RASGRF2: variants seen among roughly 807,000 people sequenced by gnomAD.
The protein encoded by RASGRF2 is ras-specific guanine nucleotide-releasing factor 2.
RASGRF2 carries 76 observed loss-of-function variants against 151.0 expected under a neutral mutation model. That is an observed-to-expected ratio of 0.50 (90% CI 0.42 to 0.61). The LOEUF is 0.61. RASGRF2 is among the 20% of genes least tolerant of loss of function. The probability of loss-of-function intolerance (pLI) is 0.00; values close to 1 mark genes in which losing one functional copy is unlikely to be tolerated. For synonymous variants in RASGRF2, 504 were observed against 566.5 expected (o/e 0.89, Z 1.57); for missense variants, 1,148 against 1,564.6 (o/e 0.73, Z 4.49).
intron 1 of RASGRF2, among the ~76,000 whole-genome samples, chr5:81,015,321 A>G (rs1749595117): frequency 6.6e-6 from 1 of 152,178 alleles, no homozygotes; most frequent in Non-Finnish European, 1.5e-5. Flanking sequence ...TTCTGGTTCT[A>G]GATCCTTGAG....
chr5:81,034,952 A>AT (rs1375284843), intron 1 of RASGRF2, among the ~76,000 whole-genome samples: 5 of 152,082 alleles, frequency 3.3e-5, no homozygotes, highest in African/African-American at 1.2e-4. Flanking sequence ...TATAATAAAA[A>AT]TAAAAAAAAA....
chr5:81,105,426 C>T (rs1752820108), intron 12 of RASGRF2, among the ~76,000 whole-genome samples: 2 of 152,164 alleles, frequency 1.3e-5, no homozygotes, highest in African/African-American at 4.8e-5. Context: ...CTTGTCTGGG[C>T]TCCACTTAAA....
At chr5:81,092,674 G>A (rs1561605015) in intron 9 of RASGRF2, 127 bp from the exon 10 acceptor site, 5 of 831,344 alleles carry the variant, frequency 6.0e-6, no homozygotes, top group Non-Finnish European at 9.7e-6. Context: ...TACTTGTTCT[G>A]ATGATGTGTC....
intron 17 of RASGRF2, among the ~76,000 whole-genome samples, chr5:81,145,806 C>T (rs1046846779): frequency 1.3e-5 from 2 of 152,144 alleles, no homozygotes; most frequent in South Asian, 2.1e-4. Flanking sequence ...GCTAAGCCTC[C>T]GAATTCTTGT....
At chr5:81,207,464 T>C (rs1755535001) in intron 21 of RASGRF2, 115 bp downstream of exon 21, 4 of 847,544 alleles carry the variant, frequency 4.7e-6, no homozygotes, top group Admixed American at 2.3e-5. Flanking sequence ...TGTGTGAGTA[T>C]CTACCAGTTG....
intron 7 of RASGRF2, among the ~76,000 whole-genome samples, chr5:81,081,622 C>T (rs1035931815): frequency 6.6e-6 from 1 of 152,124 alleles, no homozygotes; most frequent in Admixed American, 6.6e-5. Flanking sequence ...TGTGGTAAAC[C>T]GATTCTACTA....
intron 12 of RASGRF2, among the ~76,000 whole-genome samples, chr5:81,098,764 T>A (rs1333473288): frequency 6.6e-6 from 1 of 152,210 alleles, no homozygotes; most frequent in African/African-American, 2.4e-5. Context: ...CCCAGAAGCC[T>A]GTATCTCAGC....
At position 80,987,899 on chromosome 5, in the gene RASGRF2, A is replaced by T. The variant is rs572974632; in HGVS notation, c.288+26873A>T. ...CCAAGCATTATTTTCTTAGAAAGCT[A>T]CTTAGAGATCACCTCCACAACACTT... On this transcript the variant is annotated intron_variant, in intron 1 of 26. Coordinates refer to ENST00000265080, the MANE Select transcript of RASGRF2 (RefSeq NM_006909.3). Among the ~76,000 whole-genome samples the T allele has an allele frequency of 2.8e-4, 43 of 152,140 alleles. 1 individual carries two copies. Among genetic ancestry groups the T allele is most frequent in the African/African-American group, 9.9e-4 (41 of 41,516 alleles).
intron 7 of RASGRF2, among the ~76,000 whole-genome samples, chr5:81,084,996 A>G (rs532967496): frequency 5.9e-5 from 9 of 152,226 alleles, no homozygotes; most frequent in Non-Finnish European, 1.0e-4. Flanking sequence ...ACTTCTTCCC[A>G]TTTTAGTTCT....
At chr5:81,051,990 G>A (rs73127151) in intron 2 of RASGRF2, among the ~76,000 whole-genome samples, 2,640 of 152,174 alleles carry the variant, frequency 0.017, 56 homozygotes, top group African/African-American at 0.059. Context: ...ACTTATTTTC[G>A]TTGCTTTTTT....
At chr5:81,140,358 C>T (rs1038434764) in intron 17 of RASGRF2, among the ~76,000 whole-genome samples, 1 of 151,844 alleles carries the variant, frequency 6.6e-6, no homozygotes, top group African/African-American at 2.4e-5. Flanking sequence ...AATATTTAAA[C>T]ATTATTTCAC....
intron 1 of RASGRF2, among the ~76,000 whole-genome samples, chr5:81,016,029 G>T (rs902253431): frequency 6.6e-6 from 1 of 152,128 alleles, no homozygotes; most frequent in African/African-American, 2.4e-5. Context: ...TGGTGACAAT[G>T]GCGACTGAAC....
chr5:80,971,904 TTA>T (rs1747949175), intron 1 of RASGRF2, among the ~76,000 whole-genome samples: 1 of 151,212 alleles, frequency 6.6e-6, no homozygotes, highest in Admixed American at 6.6e-5. Context: ...ATTTTATTTT[TTA>T]TTTTTTTATT....
chr5:81,205,063 C>A (rs1454647662), intron 19 of RASGRF2, among the ~76,000 whole-genome samples: 1 of 152,220 alleles, frequency 6.6e-6, no homozygotes, highest in Non-Finnish European at 1.5e-5. Flanking sequence ...GTAACCCTTA[C>A]ATGTAATTTA....
At chr5:80,982,393 A>G (rs857671) in intron 1 of RASGRF2, among the ~76,000 whole-genome samples, 104,811 of 151,564 alleles carry the variant, frequency 0.69, 36,501 homozygotes, top group East Asian at 0.78. Flanking sequence ...AGGGAGGGTT[A>G]CAGGAACATC....
At chr5:81,101,594 G>A (rs1205063296) in intron 12 of RASGRF2, among the ~76,000 whole-genome samples, 4 of 151,624 alleles carry the variant, frequency 2.6e-5, no homozygotes, top group Non-Finnish European at 5.9e-5. Context: ...TAATAAGATC[G>A]ATCTATCTAT....
At chr5:81,060,825 A>G (rs1751408057) in intron 2 of RASGRF2, among the ~76,000 whole-genome samples, 1 of 152,210 alleles carries the variant, frequency 6.6e-6, no homozygotes, top group African/African-American at 2.4e-5. Context: ...GAAAAGTACA[A>G]AAGAAGTAAC....
At chr5:81,205,957 G>C (rs1755496352) in intron 19 of RASGRF2, among the ~76,000 whole-genome samples, 1 of 152,090 alleles carries the variant, frequency 6.6e-6, no homozygotes, top group Non-Finnish European at 1.5e-5. Flanking sequence ...CACCGTGTTA[G>C]CCAGGATGGT....
intron 12 of RASGRF2, 25 bp from the exon 13 acceptor site, chr5:81,108,971 T>G: frequency 6.3e-7 from 1 of 1,593,094 alleles, no homozygotes; most frequent in Non-Finnish European, 8.6e-7. Flanking sequence ...ATGTGGGTTG[T>G]AATTGTCAAC....
Sources: gnomAD v4.1 joint callset for allele counts (sites outside exome capture counted in the v4.1 genomes callset) on GRCh38, gnomAD v4.1.1 for gene constraint, MANE v1.5 for transcripts, NCBI Gene and HGNC (gene_info 2026-07-23, HGNC 2026-07-21) for gene names.